The following AGPAT4 variants were observed in gnomAD, a reference collection of about 807,000 sequenced individuals.
The protein encoded by AGPAT4 is 1-acylglycerol-3-phosphate O-acyltransferase 4.
In AGPAT4, 15 loss-of-function variants were observed where a neutral mutation model predicts 48.0. The observed-to-expected ratio is 0.31, with a 90% confidence interval of 0.21 to 0.48. The LOEUF is 0.48. Among genes scored for constraint, AGPAT4 ranks in the 20% least tolerant of loss-of-function variants. AGPAT4 has a pLI of 0.99. For synonymous variants in AGPAT4, 178 were observed against 198.7 expected, an observed-to-expected ratio of 0.90 and a Z score of 0.88; for missense variants, 314 against 482.5, an observed-to-expected ratio of 0.65 and a Z score of 3.27.
Position 161,259,700 on chromosome 6 carries a change from G to A in AGPAT4, c.-90+14238C>T, listed in dbSNP as rs1018286072. On this transcript the variant is annotated intron_variant, in intron 1 of 8. Transcript: ENST00000320285. The surrounding 1 kb of genome is among the most constrained non-coding windows in gnomAD (Gnocchi z 4.9). Reference sequence around the variant, plus strand: ...TCCCAGGTCACCGCACAGTTCACATGCCCAGGAGGACTCTCTGGCTGAGTG... The same window carrying A: ...TCCCAGGTCACCGCACAGTTCACATACCCAGGAGGACTCTCTGGCTGAGTG... Among the ~76,000 whole-genome samples the A allele has an allele frequency of 1.2e-4, 18 of 152,110 alleles. No individual in the cohort carries two copies. Among genetic ancestry groups the A allele is most frequent in the Non-Finnish European group, 7.4e-5 (5 of 68,006 alleles).
chr6:161,213,259 A>G (rs1781564441), intron 2 of AGPAT4, among the ~76,000 whole-genome samples: 1 of 152,244 alleles, frequency 6.6e-6, no homozygotes, highest in African/African-American at 2.4e-5. Context: ...AAGCCTTTGT[A>G]AAAATAATTA....
At chr6:161,192,035 C>CT (rs200155345) in intron 2 of AGPAT4, among the ~76,000 whole-genome samples, 2,278 of 126,770 alleles carry the variant, frequency 0.018, 27 homozygotes, top group South Asian at 0.052. Context: ...TTGTGCATTC[C>CT]TTTTTTTTTT....
In AGPAT4 at chr6:161,138,905, G is replaced by A. The variant is rs569601118; in HGVS notation, c.1042+517C>T. On this transcript the variant is annotated intron_variant, in intron 8 of 8. Transcript: ENST00000320285. This position sits in a 1 kb window ranked among gnomAD's most constrained non-coding sequence, Gnocchi z 4.8. The stretch of plus-strand genomic sequence containing the variant: ...TGCCACCAAGAAGCAGCAGTAGCCC[G>A]AGAATACCGGTCACCTGGAGCCAGC... 2.6e-5 allele frequency among the ~76,000 whole-genome samples: 4 copies of A among 152,234 alleles called. No homozygotes were observed. Among genetic ancestry groups the A allele is most frequent in the South Asian group, 2.1e-4 (1 of 4,804 alleles).
In AGPAT4 at chr6:161,131,176, A is replaced by G; in HGVS notation, c.*5364T>C. 1 of 300,904 alleles carries G rather than the reference A, an allele frequency of 3.3e-6. No homozygotes were observed. The highest frequency in any genetic ancestry group is 6.7e-6 in the Non-Finnish European group (1 of 150,172). 18.6% of individuals were successfully genotyped at this position (300,904 alleles called of 1,614,324 possible). ...TTTAAAAAAACAAATTAAATGTAAA[A>G]ATTGTATGACTCTTACCCAGTGAAA... On this transcript the variant is annotated 3_prime_UTR_variant, in exon 9 of 9. Coordinates refer to ENST00000320285, the MANE Select transcript of AGPAT4 (RefSeq NM_020133.3).
At position 161,232,241 on chromosome 6, in the gene AGPAT4, A is replaced by C; in HGVS notation, c.-28T>G. ...TGCGTGGACGCTCTTATTCAGAAAT[A>C]AATAACTACCCACAGTCAAAGATTT... On this transcript the variant is annotated 5_prime_UTR_variant, in exon 2 of 9. Transcript: ENST00000320285. This position sits in a 1 kb window ranked among gnomAD's most constrained non-coding sequence, Gnocchi z 6.8. 1.3e-6 allele frequency: 2 copies of C among 1,598,296 alleles called. No individual in the cohort carries two copies. Among genetic ancestry groups the C allele is most frequent in the Non-Finnish European group, 1.7e-6 (2 of 1,170,138 alleles).
intron 3 of AGPAT4, chr6:161,160,668 G>A (rs1187163277): frequency 6.5e-6 from 2 of 308,916 alleles, no homozygotes; most frequent in Admixed American, 4.1e-5. Context: ...ATCACTACTG[G>A]CTCTGCTTTG....
chr6:161,177,543 C>T lies in AGPAT4; in HGVS notation c.179-11126G>A, dbSNP rs1780461171. Among the ~76,000 whole-genome samples the T allele has an allele frequency of 6.6e-6, 1 of 152,176 alleles. No individual in the cohort carries two copies. Among genetic ancestry groups the T allele is most frequent in the South Asian group, 2.1e-4 (1 of 4,820 alleles). ...CTGTTTATTCTAGTTAGCCATTCAT[C>T]TAATCTTTTTTTTCAAGGTTTTTAG... On this transcript the variant is annotated intron_variant, in intron 2 of 8. Transcript: ENST00000320285. This position sits in a 1 kb window ranked among gnomAD's most constrained non-coding sequence, Gnocchi z 5.0.
chr6:161,179,240 C>T (rs1449209921), intron 2 of AGPAT4, among the ~76,000 whole-genome samples: 2 of 152,124 alleles, frequency 1.3e-5, no homozygotes, highest in African/African-American at 4.8e-5. Context: ...TGGCCCATGC[C>T]CCCAGAGTTA....
rs187026303 is a variant in AGPAT4 at position 161,181,902 on chromosome 6, G to A, written c.179-15485C>T. 2.1e-3 allele frequency among the ~76,000 whole-genome samples: 320 copies of A among 152,198 alleles called. 3 individuals carry two copies. Among genetic ancestry groups the A allele is most frequent in the Non-Finnish European group, 2.8e-3 (193 of 68,004 alleles). On this transcript the variant is annotated intron_variant, in intron 2 of 8. Coordinates refer to ENST00000320285, the MANE Select transcript of AGPAT4 (RefSeq NM_020133.3). Reference sequence around the variant, plus strand: ...TGGTTCTTGGAGGGGGCGTGGGGTGGACAAAAATCTTACTCTTTTATGTGT... The same window carrying A: ...TGGTTCTTGGAGGGGGCGTGGGGTGAACAAAAATCTTACTCTTTTATGTGT...
rs758580686 is a variant in AGPAT4, at chr6:161,166,201, G to A, written c.348+47C>T. On this transcript the variant is annotated intron_variant, in intron 3 of 8. Transcript: ENST00000320285. The surrounding 1 kb of genome is among the most constrained non-coding windows in gnomAD (Gnocchi z 6.7). ...GAGCAAAAAGACAAGTGGTGGGGCT[G>A]AACCAGAGAAATGTGTGAGGCAGGG... 3 of 1,597,552 alleles carry A rather than the reference G, an allele frequency of 1.9e-6. No homozygotes were observed. The highest frequency in any genetic ancestry group is 2.6e-6 in the Non-Finnish European group (3 of 1,170,278).
intron 2 of AGPAT4, among the ~76,000 whole-genome samples, chr6:161,188,636 T>A (rs569983039): frequency 2.0e-5 from 3 of 152,348 alleles, no homozygotes; most frequent in East Asian, 3.9e-4. Flanking sequence ...CATGTGTATA[T>A]GAAATTTAAA....
Position 161,161,872 on chromosome 6 carries a change from T to TTTTTTAATGA in AGPAT4, c.348+4375_348+4376insTCATTAAAAA. ...GCAGCACAGGGCTTTATGGGCGCCCTCACGCACAGGCACTCTGCCTAGGAG... is the reference window on the plus strand; with the variant it reads ...GCAGCACAGGGCTTTATGGGCGCCCTTTTTTAATGACACGCACAGGCACTCTGCCTAGGAG... On this transcript the variant is annotated intron_variant, in intron 3 of 8. Transcript: ENST00000320285. This position sits in a 1 kb window ranked among gnomAD's most constrained non-coding sequence, Gnocchi z 4.6. The TTTTTTAATGA allele has an allele frequency of 4.0e-6, 1 of 252,800 alleles. No homozygotes were observed. Among genetic ancestry groups the TTTTTTAATGA allele is most frequent in the Non-Finnish European group, 7.9e-6 (1 of 126,796 alleles). 15.7% of individuals were successfully genotyped at this position (252,800 alleles called of 1,614,324 possible).
chr6:161,141,444 C>T lies in AGPAT4; in HGVS notation c.844-1824G>A, dbSNP rs1281590208. On this transcript the variant is annotated intron_variant, in intron 7 of 8. Transcript: ENST00000320285. This position sits in a 1 kb window ranked among gnomAD's most constrained non-coding sequence, Gnocchi z 6.7. ...GACGGTCAGCAGCACAGGCAATGCC[C>T]AGAGAGGTGGCACCCAACTCTGCCA... Among the ~76,000 whole-genome samples, 3 of 152,108 alleles carry T rather than the reference C, an allele frequency of 2.0e-5. No homozygotes were observed. The highest frequency in any genetic ancestry group is 4.4e-5 in the Non-Finnish European group (3 of 68,032).
rs1391011191 is a variant in AGPAT4, at chr6:161,242,168, C to T, written c.-89-9866G>A. 6.6e-6 allele frequency among the ~76,000 whole-genome samples: 1 copy of T among 152,228 alleles called. No individual in the cohort carries two copies. Among genetic ancestry groups the T allele is most frequent in the African/African-American group, 2.4e-5 (1 of 41,464 alleles). The stretch of plus-strand genomic sequence containing the variant: ...ACTATGAAAGGTATTGCCATTCTCA[C>T]ATTATAGATGCGAAAACCGAGGTTT... On this transcript the variant is annotated intron_variant, in intron 1 of 8. Coordinates refer to ENST00000320285, the MANE Select transcript of AGPAT4 (RefSeq NM_020133.3). The surrounding 1 kb of genome is among the most constrained non-coding windows in gnomAD (Gnocchi z 5.0).
In AGPAT4 at chr6:161,246,653, C is replaced by A. The variant is rs1292782362; in HGVS notation, c.-89-14351G>T. ...CGAACTCCCAATCTCAGGTGATCCACCGCACCCAGCCTAGCACAGGGGATT... is the reference window on the plus strand; with the variant it reads ...CGAACTCCCAATCTCAGGTGATCCAACGCACCCAGCCTAGCACAGGGGATT... On this transcript the variant is annotated intron_variant, in intron 1 of 8. Coordinates refer to ENST00000320285, the MANE Select transcript of AGPAT4 (RefSeq NM_020133.3). The surrounding 1 kb of genome is among the most constrained non-coding windows in gnomAD (Gnocchi z 5.5). 2.0e-5 allele frequency among the ~76,000 whole-genome samples: 3 copies of A among 152,028 alleles called. No individual in the cohort carries two copies.
rs1379867443 is a variant in AGPAT4 at position 161,215,270 on chromosome 6, G to A, written c.178+16766C>T. Among the ~76,000 whole-genome samples, 1 of 152,170 alleles carries A rather than the reference G, an allele frequency of 6.6e-6. No homozygotes were observed. Among genetic ancestry groups the A allele is most frequent in the Non-Finnish European group, 1.5e-5 (1 of 68,032 alleles). On this transcript the variant is annotated intron_variant, in intron 2 of 8. Transcript: ENST00000320285. The surrounding 1 kb of genome is among the most constrained non-coding windows in gnomAD (Gnocchi z 4.5). ...GTAATCTGTTGCCTAGTTAGCAAAT[G>A]TTTCTGTAGAATTAAGCTTCCCCGT... is the stretch of plus-strand genomic sequence containing the variant.
Position 161,166,680 on chromosome 6 carries a change from G to A in AGPAT4, c.179-263C>T, listed in dbSNP as rs1780110131. Among the ~76,000 whole-genome samples the A allele has an allele frequency of 6.6e-6, 1 of 152,180 alleles. No individual in the cohort carries two copies. Among genetic ancestry groups the A allele is most frequent in the African/African-American group, 2.4e-5 (1 of 41,436 alleles). On this transcript the variant is annotated intron_variant, in intron 2 of 8. Transcript: ENST00000320285. The surrounding 1 kb of genome is among the most constrained non-coding windows in gnomAD (Gnocchi z 6.7). ...ACTTACTCCTTGATTAAGTATCTTG[G>A]GGGAAAATAAATCAGAAAGCCAGAA... is the stretch of plus-strand genomic sequence containing the variant.
At chr6:161,193,843 C>T (rs372065687) in intron 2 of AGPAT4, among the ~76,000 whole-genome samples, 13 of 143,320 alleles carry the variant, frequency 9.1e-5, no homozygotes, top group African/African-American at 3.3e-4. Context: ...GACAGCTCTT[C>T]GATACTTTTA....
chr6:161,147,784 A>G lies in AGPAT4; in HGVS notation c.768-1185T>C, dbSNP rs747428578. The stretch of plus-strand genomic sequence containing the variant: ...CTGCCTAATATTTCTTTATTTGGAG[A>G]GTAGGAATGTAGTGAGTTTTGCCCT... On this transcript the variant is annotated intron_variant, in intron 6 of 8. Transcript: ENST00000320285. The surrounding 1 kb of genome is among the most constrained non-coding windows in gnomAD (Gnocchi z 4.8). Among the ~76,000 whole-genome samples, 1 of 152,126 alleles carries G rather than the reference A, an allele frequency of 6.6e-6. No individual in the cohort carries two copies. Among genetic ancestry groups the G allele is most frequent in the Non-Finnish European group, 1.5e-5 (1 of 68,006 alleles).
Sources: gnomAD v4.1 joint callset for allele counts (sites outside exome capture counted in the v4.1 genomes callset) on GRCh38, gnomAD v4.1.1 for gene constraint, Gnocchi (gnomAD v3.1) non-coding constraint, MANE v1.5 for transcripts, NCBI Gene and HGNC (gene_info 2026-07-23, HGNC 2026-07-21) for gene names.